The following OLFM3 variants were observed in gnomAD, a reference collection of about 807,000 sequenced individuals.
The protein encoded by OLFM3 is olfactomedin 3.
OLFM3 carries 20 observed loss-of-function variants against 48.6 expected under a neutral mutation model. The observed-to-expected ratio is 0.41, with a 90% confidence interval of 0.29 to 0.60. The LOEUF is 0.60. Among genes scored for constraint, OLFM3 ranks in the 20% least tolerant of loss-of-function variants. The probability of loss-of-function intolerance (pLI) is 0.28; values close to 1 mark genes in which losing one functional copy is unlikely to be tolerated. For synonymous variants in OLFM3, 222 were observed against 198.1 expected (o/e 1.12, Z -1.01); for missense variants, 437 against 544.3 (o/e 0.80, Z 1.96).
intron 1 of OLFM3, among the ~76,000 whole-genome samples, chr1:101,910,689 G>C (rs1263438333): frequency 6.6e-6 from 1 of 152,110 alleles, no homozygotes; most frequent in Non-Finnish European, 1.5e-5. Flanking sequence ...GGCAGTACTT[G>C]CTTAGATTAT....
intron 1 of OLFM3, among the ~76,000 whole-genome samples, chr1:101,837,265 T>C (rs1292060119): frequency 6.6e-6 from 1 of 152,220 alleles, no homozygotes; most frequent in African/African-American, 2.4e-5. Context: ...TATTAGTAAC[T>C]GATTTTGATC....
At chr1:101,987,578 T>C (rs1243262491) in intron 1 of OLFM3, among the ~76,000 whole-genome samples, 1 of 152,118 alleles carries the variant, frequency 6.6e-6, no homozygotes, top group South Asian at 2.1e-4. Context: ...CAGCCGTAAA[T>C]GTAGATCACT....
At chr1:101,871,174 C>T (rs1030135583) in intron 1 of OLFM3, among the ~76,000 whole-genome samples, 4 of 151,898 alleles carry the variant, frequency 2.6e-5, no homozygotes, top group African/African-American at 9.7e-5. Context: ...ATGCTAAATA[C>T]TTGACAAAAA....
At chr1:101,911,771 T>C (rs1030022467) in intron 1 of OLFM3, among the ~76,000 whole-genome samples, 1 of 152,112 alleles carries the variant, frequency 6.6e-6, no homozygotes, top group African/African-American at 2.4e-5. Context: ...AACCACCAGT[T>C]TGTAAATTGA....
intron 1 of OLFM3, among the ~76,000 whole-genome samples, chr1:101,878,079 C>T (rs1657374483): frequency 6.6e-6 from 1 of 151,838 alleles, no homozygotes; most frequent in Admixed American, 6.6e-5. Flanking sequence ...AGAGAAGATA[C>T]ACCTGGGCAC....
intron 1 of OLFM3, chr1:101,882,758 T>G (rs957921569): frequency 1.6e-4 from 25 of 151,906 alleles, no homozygotes; most frequent in African/African-American, 6.0e-4. Context: ...TGAGCAAACC[T>G]ATGAAGATTT....
intron 1 of OLFM3, among the ~76,000 whole-genome samples, chr1:101,846,383 G>C (rs533057282): frequency 1.3e-5 from 2 of 152,238 alleles, no homozygotes; most frequent in South Asian, 4.1e-4. Flanking sequence ...GTTTCTTTGA[G>C]TGAATTCATT....
intron 1 of OLFM3, among the ~76,000 whole-genome samples, chr1:101,961,201 CA>C: frequency 6.6e-6 from 1 of 152,020 alleles, no homozygotes; most frequent in East Asian, 1.9e-4. Flanking sequence ...GTAAATTTCT[CA>C]AGAAGTTAAT....
intron 1 of OLFM3, among the ~76,000 whole-genome samples, chr1:101,923,937 A>C (rs1659181005): frequency 6.6e-6 from 1 of 152,166 alleles, no homozygotes; most frequent in South Asian, 2.1e-4. Flanking sequence ...ACTTTGAAAA[A>C]AATAATAGTT....
intron 1 of OLFM3, among the ~76,000 whole-genome samples, chr1:101,928,723 A>G (rs1244319550): frequency 6.6e-6 from 1 of 152,162 alleles, no homozygotes; most frequent in Non-Finnish European, 1.5e-5. Context: ...CTGAAGACCT[A>G]CTATGTGTTT....
chr1:101,938,672 C>T (rs1024034969), intron 1 of OLFM3, among the ~76,000 whole-genome samples: 5 of 152,208 alleles, frequency 3.3e-5, no homozygotes, highest in African/African-American at 7.2e-5. Context: ...TCCTGCTGAG[C>T]TTTCCCATTT....
intron 2 of OLFM3, among the ~76,000 whole-genome samples, chr1:101,832,333 T>C (rs996993270): frequency 2.0e-5 from 3 of 152,234 alleles, no homozygotes; most frequent in Non-Finnish European, 4.4e-5. Flanking sequence ...CAATGCTAAA[T>C]GGATCAGCCA....
At chr1:101,832,242 A>C (rs1451795825) in intron 2 of OLFM3, among the ~76,000 whole-genome samples, 1 of 152,220 alleles carries the variant, frequency 6.6e-6, no homozygotes, top group East Asian at 1.9e-4. Context: ...ATAATCAGTA[A>C]AAAGTTATTT....
intron 1 of OLFM3, among the ~76,000 whole-genome samples, chr1:101,944,030 C>T (rs1034340229): frequency 8.0e-6 from 1 of 125,672 alleles, no homozygotes; most frequent in Non-Finnish European, 1.7e-5. Context: ...ATATCCATAT[C>T]TAGGTTGTAT....
At position 101,803,173 on chromosome 1, in the gene OLFM3, A is replaced by G. The variant is rs1002883448; in HGVS notation, c.*1065T>C. On this transcript the variant is annotated 3_prime_UTR_variant, in exon 6 of 6. Coordinates refer to ENST00000370103, the MANE Select transcript of OLFM3 (RefSeq NM_058170.4). ...GGACATTACAGAATTTTTTTTTTCT[A>G]AGAGTTTTCAAATGTGCTTATTTTC... The G allele has an allele frequency of 6.6e-6, 1 of 152,000 alleles. No individual in the cohort carries two copies. Among genetic ancestry groups the G allele is most frequent in the Non-Finnish European group, 1.5e-5 (1 of 67,724 alleles). The allele number at this position is 152,000 out of a possible 1,614,324, so 9.4% of individuals were successfully genotyped here.
rs1661449537 is a variant in OLFM3 at position 101,992,748 on chromosome 1, C to T, written c.69+4000G>A. 2.6e-5 allele frequency among the ~76,000 whole-genome samples: 4 copies of T among 151,698 alleles called. No individual in the cohort carries two copies. The South Asian group carries it at 8.3e-4, about 32-fold the overall frequency. On this transcript the variant is annotated intron_variant, in intron 1 of 5. Transcript: ENST00000370103. ...GTCTGATTATTTTCTTTAGCAATAT[C>T]AAAATTGTTATGGTATATTACATTA... is the stretch of plus-strand genomic sequence containing the variant.
intron 4 of OLFM3, among the ~76,000 whole-genome samples, chr1:101,810,933 T>G (rs936101250): frequency 3.3e-5 from 5 of 151,830 alleles, no homozygotes; most frequent in Admixed American, 3.3e-4. Context: ...CAAGTATGAA[T>G]GATATGCATT....
intron 1 of OLFM3, among the ~76,000 whole-genome samples, chr1:101,907,445 G>A (rs1658589367): frequency 6.6e-6 from 1 of 152,148 alleles, no homozygotes; most frequent in African/African-American, 2.4e-5. Context: ...GACCTTACTT[G>A]ATCTTATCTG....
chr1:101,941,675 C>T (rs1031807456), intron 1 of OLFM3, among the ~76,000 whole-genome samples: 8 of 152,140 alleles, frequency 5.3e-5, no homozygotes, highest in African/African-American at 1.9e-4. Flanking sequence ...TATGACATTT[C>T]AGAAATTATA....
Sources: allele counts gnomAD v4.1 joint callset (sites outside exome capture counted in the v4.1 genomes callset), GRCh38; gene constraint gnomAD v4.1.1; transcripts MANE v1.5; gene names NCBI Gene and HGNC (gene_info 2026-07-23, HGNC 2026-07-21).